EXPH5: variants seen among roughly 807,000 people sequenced by gnomAD.
EXPH5 encodes exophilin-5.
Under a neutral mutation model 41.1 loss-of-function variants are expected in EXPH5, and 42 were observed. The observed-to-expected ratio is 1.02, with a 90% CI of 0.80 to 1.32. The LOEUF (loss-of-function observed/expected upper bound fraction) is 1.32. EXPH5 is among the 40% of genes most tolerant of loss of function. The pLI, the probability that EXPH5 is intolerant of heterozygous loss-of-function variation, is 0.00. For synonymous variants in EXPH5, 798 were observed against 833.5 expected, an observed-to-expected ratio of 0.96 and a Z score of 0.73; for missense variants, 2,298 against 2,314.5, an observed-to-expected ratio of 0.99 and a Z score of 0.15.
the EXPH5 span, among the ~76,000 whole-genome samples, chr11:108,599,140 A>G: frequency 6.6e-6 from 1 of 152,300 alleles, no homozygotes; most frequent in South Asian, 2.1e-4. Flanking sequence ...ATGAATTTCC[A>G]GATGTTACCT....
rs776653561 is a variant in EXPH5, at chr11:108,513,364, T to C, written c.2143A>G (p.Ser715Gly). Residue 715 changes from serine (S) to glycine (G), a missense_variant, in exon 6 of 6, where the codon AGC becomes GGC. Transcript: ENST00000265843. ...ESISEEDKQL[S>G]KMDQTNKAGE... ...GCCTTGTTTGTCTGGTCCATCTTGC[T>C]TAGCTGTTTGTCTTCTTCTGAAATA... 1 of 1,614,108 alleles carries C rather than the reference T, an allele frequency of 6.2e-7. No homozygotes were observed. Among genetic ancestry groups the C allele is most frequent in the Non-Finnish European group, 8.5e-7 (1 of 1,179,978 alleles).
Position 108,513,164 on chromosome 11 carries a change from C to T in EXPH5, c.2343G>A (p.Met781Ile), listed in dbSNP as rs150251536. The change falls in exon 6 of 6, where the codon ATG becomes ATA. Residue 781 changes from methionine (M) to isoleucine (I), a missense_variant. Met to Ile is a conservative substitution (Grantham distance 10, BLOSUM62 1). Transcript: ENST00000265843. The stretch of plus-strand genomic sequence containing the variant: ...TGGATTTATCTGTGTGCGGTATATA[C>T]ATTTTGGAGGTATCTTTCCTGGAAA... ...RVFSRKDTSK[M>I]YIPHTDKSND... is the part of the protein sequence containing the mutation. 1.1e-4 allele frequency: 174 copies of T among 1,613,856 alleles called. No homozygotes were observed. The highest frequency in any genetic ancestry group is 1.4e-4 in the Non-Finnish European group (165 of 1,180,000).
In EXPH5 at chr11:108,506,994, G is replaced by T. The variant is rs2093647664; in HGVS notation, c.*2543C>A. ...CAACAGAGTGAGACTCTGTCTCAAAGAAAATAATAATAATAATAATAATAA... is the reference window on the plus strand; with the variant it reads ...CAACAGAGTGAGACTCTGTCTCAAATAAAATAATAATAATAATAATAATAA... On this transcript the variant is annotated 3_prime_UTR_variant, in exon 6 of 6. Transcript: ENST00000265843. 6.6e-6 allele frequency: 1 copy of T among 151,302 alleles called. No homozygotes were observed. The highest frequency in any genetic ancestry group is 2.1e-4 in the South Asian group (1 of 4,768). The allele number at this position is 151,302 out of a possible 1,614,324, so 9.4% of individuals were successfully genotyped here.
chr11:108,513,232 TA>T lies in EXPH5; in HGVS notation c.2274del (p.Phe758LeufsTer6), dbSNP rs2093696313. 1 of 1,613,220 alleles carries T rather than the reference TA, an allele frequency of 6.2e-7. No individual in the cohort carries two copies. The highest frequency in any genetic ancestry group is 1.1e-5 in the South Asian group (1 of 90,812). On this transcript the variant is annotated frameshift_variant, in exon 6 of 6. Coordinates refer to ENST00000265843, the MANE Select transcript of EXPH5 (RefSeq NM_015065.3). LOFTEE classifies it low-confidence loss of function (END_TRUNC). Reference protein sequence around the residue: ...QDSAKSNGFGFNASTIISSKK... With the variant: ...QDSAKSNGFGXNASTIISSKK... ...TTTGAACTTATTATGGTAGATGCAT[TA>T]AAACCAAACCCGTTGCTCTTGGCTG...
intron 1 of EXPH5, among the ~76,000 whole-genome samples, chr11:108,569,305 G>A (rs890460699): frequency 1.7e-4 from 23 of 137,710 alleles, no homozygotes; most frequent in Admixed American, 9.2e-4. Context: ...CATTCGTCAC[G>A]TTATAGTGAA....
the EXPH5 span, among the ~76,000 whole-genome samples, chr11:108,601,641 T>C: frequency 1.3e-5 from 2 of 152,232 alleles, no homozygotes; most frequent in Admixed American, 1.3e-4. Context: ...TCATTTCCCC[T>C]ATATTGTAAG....
intron 1 of EXPH5, among the ~76,000 whole-genome samples, chr11:108,560,961 A>T (rs1229916929): frequency 1.3e-5 from 2 of 152,220 alleles, no homozygotes; most frequent in Admixed American, 1.3e-4. Context: ...TAAATAATTT[A>T]TCATGAAATC....
At chr11:108,556,037 C>T (rs1395870211) in intron 1 of EXPH5, among the ~76,000 whole-genome samples, 1 of 152,186 alleles carries the variant, frequency 6.6e-6, no homozygotes, top group East Asian at 1.9e-4. Flanking sequence ...AAAATTCCAA[C>T]AAAATGAGTT....
chr11:108,572,661 C>T (rs577723210), intron 1 of EXPH5, among the ~76,000 whole-genome samples: 22 of 152,286 alleles, frequency 1.4e-4, no homozygotes, highest in African/African-American at 3.9e-4. Context: ...CAGGTTCAAG[C>T]GATTCTCCTG....
At chr11:108,598,078 G>T (rs779816506), upstream of EXPH5, among the ~76,000 whole-genome samples, 1 of 152,168 alleles carries the variant, frequency 6.6e-6, no homozygotes, top group Non-Finnish European at 1.5e-5. Context: ...TAAACAGGGT[G>T]GAGAATGGGA....
chr11:108,597,611 T>A (rs1420926747), upstream of EXPH5, among the ~76,000 whole-genome samples: 2 of 152,250 alleles, frequency 1.3e-5, no homozygotes, highest in Non-Finnish European at 2.9e-5. Context: ...TGGCAAGGAA[T>A]GTCTGTCCCA....
chr11:108,523,402 C>T (rs2093777818), intron 4 of EXPH5, among the ~76,000 whole-genome samples: 1 of 152,100 alleles, frequency 6.6e-6, no homozygotes, highest in African/African-American at 2.4e-5. Context: ...ATCCCAAACC[C>T]TCTTCTTTCC....
chr11:108,568,395 T>C (rs1342620062), intron 1 of EXPH5, among the ~76,000 whole-genome samples: 3 of 152,016 alleles, frequency 2.0e-5, no homozygotes, highest in Non-Finnish European at 4.4e-5. Flanking sequence ...CCCTCTACTG[T>C]CAGGTGGCTG....
In EXPH5 at chr11:108,509,497, G is replaced by T; in HGVS notation, c.*40C>A. The T allele has an allele frequency of 6.6e-7, 1 of 1,516,070 alleles. No individual in the cohort carries two copies. The highest frequency in any genetic ancestry group is 1.3e-5 in the South Asian group (1 of 74,172). The allele number at this position is 1,516,070 out of a possible 1,614,324, so 93.9% of individuals were successfully genotyped here. A position where few individuals can be genotyped will look rare whatever the true frequency, so the allele number is the denominator to read the frequency against. Reference sequence around the variant, plus strand: ...CATGTACACCTTAGTTCCATTATAAGCTTTTGGTGAAAAAAGTAAAGCATT... The same window carrying T: ...CATGTACACCTTAGTTCCATTATAATCTTTTGGTGAAAAAAGTAAAGCATT... On this transcript the variant is annotated 3_prime_UTR_variant, in exon 6 of 6. Transcript: ENST00000265843.
chr11:108,593,765 A>T lies in EXPH5; in HGVS notation c.-229T>A, dbSNP rs2094134356. ...CTCAACCTGTCCAACCGAGATGCAA[A>T]GTGAACGGCTAAAGGGAGAGAGGGA... is the stretch of plus-strand genomic sequence containing the variant. On this transcript the variant is annotated 5_prime_UTR_variant, in exon 1 of 6. Transcript: ENST00000265843. 4 of 1,535,538 alleles carry T rather than the reference A, an allele frequency of 2.6e-6. No homozygotes were observed. The highest frequency in any genetic ancestry group is 2.0e-5 in the Admixed American group (1 of 50,956).
chr11:108,584,513 G>T (rs1005245107), intron 1 of EXPH5, among the ~76,000 whole-genome samples: 3 of 151,714 alleles, frequency 2.0e-5, no homozygotes, highest in Non-Finnish European at 2.9e-5. Context: ...ACTACTTGAC[G>T]TTAAGACCTA....
chr11:108,510,542 G>C lies in EXPH5; in HGVS notation c.4965C>G (p.Gly1655=). The change falls in exon 6 of 6, where the codon GGC becomes GGG. Residue 1655 remains glycine (G), a synonymous_variant. Coordinates refer to ENST00000265843, the MANE Select transcript of EXPH5 (RefSeq NM_015065.3). The part of the protein sequence containing the change: ...EPTPKSAESI[G]ESRLSENGKH... ...TTCCGTTCTCACTCAACCTGCTTTC[G>C]CCAATGGACTCTGCAGATTTTGGAG... 6.2e-7 allele frequency: 1 copy of C among 1,614,072 alleles called. No homozygotes were observed. Among genetic ancestry groups the C allele is most frequent in the Non-Finnish European group, 8.5e-7 (1 of 1,180,018 alleles).
chr11:108,569,609 G>A (rs2094051053), intron 1 of EXPH5, among the ~76,000 whole-genome samples: 2 of 152,154 alleles, frequency 1.3e-5, no homozygotes, highest in South Asian at 2.1e-4. Flanking sequence ...AAAATGCTGG[G>A]ATTATAGGCG....
intron 1 of EXPH5, among the ~76,000 whole-genome samples, chr11:108,563,912 A>T (rs1419352453): frequency 6.6e-6 from 1 of 152,098 alleles, no homozygotes; most frequent in Non-Finnish European, 1.5e-5. Context: ...CTGAATTGAG[A>T]CTGTGTTTGT....
Sources: gnomAD v4.1 joint callset for allele counts (sites outside exome capture counted in the v4.1 genomes callset) on GRCh38, gnomAD v4.1.1 for gene constraint, MANE v1.5 for transcripts, NCBI Gene and HGNC (gene_info 2026-07-23, HGNC 2026-07-21) for gene names.